SIPA1L2: variants seen among roughly 807,000 people sequenced by gnomAD.
SIPA1L2 encodes signal induced proliferation associated 1 like 2.
Under a neutral mutation model 163.9 loss-of-function variants are expected in SIPA1L2, and 56 were observed. That is an observed-to-expected ratio of 0.34 (90% CI 0.28 to 0.43). The LOEUF is 0.43. Ranked by LOEUF, SIPA1L2 falls within the 20% of genes least tolerant of loss-of-function variation. The probability of loss-of-function intolerance (pLI) is 1.00; values close to 1 mark genes in which losing one functional copy is unlikely to be tolerated. For missense variants in SIPA1L2, 1,974 were observed against 2,193.5 expected (o/e 0.90, Z 2.00); for synonymous variants, 877 against 865.7 (o/e 1.01, Z -0.23).
intron 18 of SIPA1L2, among the ~76,000 whole-genome samples, chr1:232,423,945 T>C (rs1661724955): frequency 6.6e-6 from 1 of 151,918 alleles, no homozygotes; most frequent in Admixed American, 6.6e-5. Context: ...ACAATGGAAA[T>C]AGTAAAAAGA....
At chr1:232,588,154 T>C (rs1404428742) in intron 1 of SIPA1L2, among the ~76,000 whole-genome samples, 2 of 152,200 alleles carry the variant, frequency 1.3e-5, no homozygotes, top group Non-Finnish European at 2.9e-5. Context: ...TGTTGCAGCA[T>C]ATACTGGTGG....
At chr1:232,448,168 T>C (rs1663326458) in intron 10 of SIPA1L2, among the ~76,000 whole-genome samples, 1 of 152,188 alleles carries the variant, frequency 6.6e-6, no homozygotes, top group African/African-American at 2.4e-5. Flanking sequence ...ATGATTTAAG[T>C]CGGCTATGCC....
chr1:232,425,550 C>A, intron 18 of SIPA1L2, 39 bp downstream of exon 18: 1 of 1,495,026 alleles, frequency 6.7e-7, no homozygotes, highest in Non-Finnish European at 9.0e-7. Context: ...ATCAGCCCAC[C>A]CTCGGCGCTG....
At chr1:232,572,008 C>G (rs544421122) in intron 2 of SIPA1L2, among the ~76,000 whole-genome samples, 1 of 152,188 alleles carries the variant, frequency 6.6e-6, no homozygotes. Flanking sequence ...CTATTGTATA[C>G]GGTAGCATAT....
chr1:232,597,689 C>CAAAAAAAAAAAAA (rs376123118), intron 1 of SIPA1L2, among the ~76,000 whole-genome samples: 4 of 65,386 alleles, frequency 6.1e-5, no homozygotes, highest in Non-Finnish European at 8.4e-5. Context: ...AACTCTGTCT[C>CAAAAAAAAAAAAA]AAAAAAAAAA....
intron 2 of SIPA1L2, among the ~76,000 whole-genome samples, chr1:232,572,629 T>G (rs1448800591): frequency 1.3e-5 from 2 of 150,322 alleles, no homozygotes; most frequent in Admixed American, 6.6e-5. Flanking sequence ...TCCAGTGGTA[T>G]TCTGTCACAG....
intron 13 of SIPA1L2, 128 bp from the exon 14 acceptor site, chr1:232,441,522 T>C: frequency 1.2e-6 from 1 of 852,832 alleles, no homozygotes; most frequent in East Asian, 2.4e-5. Context: ...CTTTCTGGTC[T>C]TACCAATGGA....
At chr1:232,613,995 T>G (rs1048262204) in intron 1 of SIPA1L2, among the ~76,000 whole-genome samples, 3 of 152,212 alleles carry the variant, frequency 2.0e-5, no homozygotes, top group Non-Finnish European at 4.4e-5. Context: ...ATTATTAGTA[T>G]ATTTGCAATT....
chr1:232,485,992 C>T (rs1665627814), intron 5 of SIPA1L2, among the ~76,000 whole-genome samples: 1 of 152,180 alleles, frequency 6.6e-6, no homozygotes, highest in Non-Finnish European at 1.5e-5. Flanking sequence ...ATTCCTTTAC[C>T]TCCTGCTCAC....
At chr1:232,415,388 T>TGG in intron 19 of SIPA1L2, 106 bp downstream of exon 19, 1 of 1,380,224 alleles carries the variant, frequency 7.2e-7, no homozygotes, top group Non-Finnish European at 9.6e-7. Context: ...TTCAAAACTT[T>TGG]GACCAGACGA....
In SIPA1L2 at chr1:232,445,791, TG is replaced by T. The variant is rs746709551; in HGVS notation, c.3096-6del. ...CGGCAGAGCTCTGAACACCCTCTGT[TG>T]GGCCAAGAAGAAATGGTGAGAAGGG... is the stretch of plus-strand genomic sequence containing the variant. On this transcript the variant is annotated splice_region_variant and splice_polypyrimidine_tract_variant and intron_variant, in intron 10 of 22. Coordinates refer to ENST00000674635, the MANE Select transcript of SIPA1L2 (RefSeq NM_020808.5). 6.2e-7 allele frequency: 1 copy of T among 1,611,116 alleles called. No homozygotes were observed. Among genetic ancestry groups the T allele is most frequent in the East Asian group, 2.2e-5 (1 of 44,836 alleles).
chr1:232,461,569 T>C (rs1664237280), intron 9 of SIPA1L2, among the ~76,000 whole-genome samples: 1 of 152,212 alleles, frequency 6.6e-6, no homozygotes, highest in Admixed American at 6.5e-5. Flanking sequence ...CCCATCGTTC[T>C]AGATGGATTT....
At chr1:232,544,290 A>G (rs986375330) in intron 2 of SIPA1L2, among the ~76,000 whole-genome samples, 2 of 152,222 alleles carry the variant, frequency 1.3e-5, no homozygotes, top group African/African-American at 4.8e-5. Flanking sequence ...GGCCGGGCGC[A>G]ATGGCTCATG....
chr1:232,462,299 C>T, intron 9 of SIPA1L2: 1 of 1,549,382 alleles, frequency 6.5e-7, no homozygotes, highest in Non-Finnish European at 8.7e-7. Flanking sequence ...AGGTATCATA[C>T]TCCTATCCCC....
Position 232,561,873 on chromosome 1 carries a change from A to G in SIPA1L2, c.-270+12301T>C, listed in dbSNP as rs138883875. On this transcript the variant is annotated intron_variant, in intron 2 of 22. Coordinates refer to ENST00000674635, the MANE Select transcript of SIPA1L2 (RefSeq NM_020808.5). Reference sequence around the variant, plus strand: ...GTGTGGAATGCACCTGGGCATGGGTACTTCGGCAAAGGCCTCAGGTGACTC... The same window carrying G: ...GTGTGGAATGCACCTGGGCATGGGTGCTTCGGCAAAGGCCTCAGGTGACTC... Among the ~76,000 whole-genome samples, 973 of 152,314 alleles carry G rather than the reference A, an allele frequency of 6.4e-3. 23 individuals are homozygous for G. The highest frequency in any genetic ancestry group is 0.027 in the Admixed American group (419 of 15,302).
chr1:232,613,552 C>G (rs1484806313), intron 1 of SIPA1L2, among the ~76,000 whole-genome samples: 4 of 152,120 alleles, frequency 2.6e-5, no homozygotes, highest in African/African-American at 9.7e-5. Flanking sequence ...TCCAGCAATT[C>G]TGGAAGTTAC....
chr1:232,465,394 C>T lies in SIPA1L2; in HGVS notation c.2266G>A (p.Asp756Asn). The T allele has an allele frequency of 6.2e-7, 1 of 1,609,642 alleles. No homozygotes were observed. Residue 756 changes from aspartate to asparagine, a missense_variant, in exon 9 of 23, where the codon GAT becomes AAT. Physicochemically the swap from Asp to Asn is conservative, Grantham distance 23. Around this residue, in one of 3 missense-constraint regions of SIPA1L2, gnomAD observed 288 missense variants for 418.9 expected, o/e 0.69. Coordinates refer to ENST00000674635, the MANE Select transcript of SIPA1L2 (RefSeq NM_020808.5). This position sits in a 1 kb window ranked among gnomAD's most constrained non-coding sequence, Gnocchi z 4.1. ...ATCGGTGGGCCAAATGGTGGCACAT[C>T]TTTTGATCTGGAAACTCCAACACTG... ...CYSVGVSRSK[D>N]VPPFGPPIPK...
chr1:232,597,062 C>T (rs1171084255), intron 1 of SIPA1L2, among the ~76,000 whole-genome samples: 8 of 152,182 alleles, frequency 5.3e-5, no homozygotes, highest in Non-Finnish European at 8.8e-5. Flanking sequence ...TTTCACTTTC[C>T]TTACGGTTTT....
At chr1:232,413,472 C>G (rs1421936301) in intron 19 of SIPA1L2, among the ~76,000 whole-genome samples, 2 of 152,052 alleles carry the variant, frequency 1.3e-5, no homozygotes, top group African/African-American at 2.4e-5. Context: ...GGAAGGGAAC[C>G]AAGTAAAGAC....
Sources: allele counts gnomAD v4.1 joint callset (sites outside exome capture counted in the v4.1 genomes callset), GRCh38; gene constraint gnomAD v4.1.1; regional missense constraint gnomAD v4.1.1; non-coding constraint Gnocchi (gnomAD v3.1); transcripts MANE v1.5; gene names NCBI Gene and HGNC (gene_info 2026-07-23, HGNC 2026-07-21).